The following ZNF91 variants were observed in gnomAD, a reference collection of about 807,000 sequenced individuals.
The protein encoded by ZNF91 is zinc finger protein 91 (HPF7, HTF10).
In ZNF91, 7 loss-of-function variants were observed where a neutral mutation model predicts 12.6. The ratio of observed to expected loss-of-function variants is 0.55; its 90% CI spans 0.31 to 1.04. ZNF91 has a LOEUF of 1.04. Ranked by LOEUF, ZNF91 falls within the 50% of genes least tolerant of loss-of-function variation. The pLI is 0.05. For missense variants in ZNF91, 1,217 were observed against 1,385.4 expected (o/e 0.88, Z 1.93); for synonymous variants, 453 against 462.6 (o/e 0.98, Z 0.27).
intron 3 of ZNF91, among the ~76,000 whole-genome samples, chr19:23,370,154 C>T (rs1026152182): frequency 3.3e-5 from 5 of 151,648 alleles, no homozygotes; most frequent in Non-Finnish European, 1.5e-5. Context: ...ATTTATGAAT[C>T]TATATCTAAA....
At chr19:23,353,617 T>A (rs990752392), downstream of ZNF91, among the ~76,000 whole-genome samples, 13 of 149,694 alleles carry the variant, frequency 8.7e-5, no homozygotes, top group African/African-American at 3.2e-4. Flanking sequence ...AGAGCAGAAC[T>A]AAATAAAATT....
At chr19:23,376,034 C>T (rs369305503) in intron 1 of ZNF91, among the ~76,000 whole-genome samples, 9 of 152,146 alleles carry the variant, frequency 5.9e-5, no homozygotes, top group Non-Finnish European at 1.3e-4. Flanking sequence ...TTCTTTAACA[C>T]CCTAATAAGC....
chr19:23,305,245 A>G (rs772605890), intron 3 of ZNF91: 3 of 152,222 alleles, frequency 2.0e-5, no homozygotes, highest in Non-Finnish European at 4.4e-5. Flanking sequence ...AAATATATCT[A>G]TGTAATGTCC....
At chr19:23,313,334 C>A (rs796981528), upstream of ZNF91, among the ~76,000 whole-genome samples, 1 of 152,164 alleles carries the variant, frequency 6.6e-6, no homozygotes, top group Non-Finnish European at 1.5e-5. Context: ...GCCCACAGGG[C>A]ACATTGTTGG....
intron 3 of ZNF91, among the ~76,000 whole-genome samples, chr19:23,369,840 C>CT (rs1423417449): frequency 6.6e-6 from 1 of 150,840 alleles, no homozygotes; most frequent in Non-Finnish European, 1.5e-5. Context: ...ACTCCCTAAT[C>CT]TCAAGTACCC....
chr19:23,350,923 A>T (rs1443994407), intron 3 of ZNF91, among the ~76,000 whole-genome samples: 2 of 152,132 alleles, frequency 1.3e-5, no homozygotes, highest in East Asian at 3.9e-4. Context: ...TCATTAAAAC[A>T]GTGTGTTGCT....
Position 23,359,871 on chromosome 19 carries a change from C to T in ZNF91, c.3108G>A (p.Lys1036=). The part of the protein sequence containing the change: ...ECGKAFNRSS[K]LTTHKIIHTG... ...TATGAATTATCTTATGTGTAGTAAG[C>T]TTTGAGGATCGATTAAAAGCTTTGC... is the stretch of plus-strand genomic sequence containing the variant. The change falls in exon 4 of 4, where the codon AAG becomes AAA. Residue 1036 remains lysine, a synonymous_variant. Transcript: ENST00000300619. 1.9e-6 allele frequency: 3 copies of T among 1,580,940 alleles called. No individual in the cohort carries two copies. Among genetic ancestry groups the T allele is most frequent in the African/African-American group, 1.4e-5 (1 of 71,702 alleles).
chr19:23,343,092 T>C (rs1342395817), intron 3 of ZNF91, among the ~76,000 whole-genome samples: 1 of 152,254 alleles, frequency 6.6e-6, no homozygotes, highest in African/African-American at 2.4e-5. Flanking sequence ...GTAGGTACTG[T>C]AGTTTTCTGA....
chr19:23,364,446 A>C (rs1048895213), intron 3 of ZNF91, among the ~76,000 whole-genome samples: 1 of 152,140 alleles, frequency 6.6e-6, no homozygotes, highest in African/African-American at 2.4e-5. Context: ...ATTCCATCTC[A>C]AGAAAAAAAA....
At chr19:23,314,769 C>T (rs1967525297), upstream of ZNF91, among the ~76,000 whole-genome samples, 2 of 152,194 alleles carry the variant, frequency 1.3e-5, no homozygotes, top group South Asian at 4.1e-4. Context: ...TTTTTGGGTC[C>T]AGCAGCAAGG....
At chr19:23,338,041 G>A (rs951668459), downstream of ZNF91, 5 of 152,064 alleles carry the variant, frequency 3.3e-5, no homozygotes, top group African/African-American at 9.7e-5. Flanking sequence ...CAGTGTTTCT[G>A]AGGAAGAAAA....
At chr19:23,338,613 A>G (rs980253467), downstream of ZNF91, 3 of 152,120 alleles carry the variant, frequency 2.0e-5, no homozygotes, top group East Asian at 3.9e-4. Context: ...AAAGTGAAAT[A>G]AATCAAATCA....
chr19:23,314,884 A>G (rs540118001), upstream of ZNF91, among the ~76,000 whole-genome samples: 1 of 152,216 alleles, frequency 6.6e-6, no homozygotes, highest in African/African-American at 2.4e-5. Context: ...CTCTGCATAT[A>G]TTCTGTATTG....
intron 1 of ZNF91, chr19:23,380,254 G>A (rs1969656023): frequency 1.2e-5 from 1 of 85,120 alleles, no homozygotes; most frequent in Non-Finnish European, 2.4e-5. Flanking sequence ...GCAATGGGGG[G>A]AAAATCCGTC....
In ZNF91 at chr19:23,359,975, C is replaced by T. The variant is rs765980416; in HGVS notation, c.3004G>A (p.Ala1002Thr). 8.7e-6 allele frequency: 14 copies of T among 1,613,458 alleles called. No individual in the cohort carries two copies. In the East Asian group the frequency reaches 2.5e-4, roughly 28 times the overall value. Residue 1002 changes from alanine (A) to threonine (T), a missense_variant, in exon 4 of 4, where the codon GCA becomes ACA. Physicochemically the swap from Ala to Thr is moderately conservative, Grantham distance 58. Around this residue, in one of 2 missense-constraint regions of ZNF91, gnomAD observed 491 missense variants for 489.8 expected, o/e 1.00. Transcript: ENST00000300619. ...GTTAGGGTTGAGGATTGGCTAAATG[C>T]TTTGCCACATTCTTCACATTTGTAG... is the stretch of plus-strand genomic sequence containing the variant. ...KPYKCEECGK[A>T]FSQSSTLTRH...
upstream of ZNF91, among the ~76,000 whole-genome samples, chr19:23,315,088 G>A (rs1355874195): frequency 6.6e-6 from 1 of 152,172 alleles, no homozygotes; most frequent in East Asian, 1.9e-4. Flanking sequence ...TTTTACATGG[G>A]CCCTCCTCTC....
At chr19:23,384,789 C>A in intron 1 of ZNF91, 1 of 655,752 alleles carries the variant, frequency 1.5e-6, no homozygotes, top group Non-Finnish European at 2.8e-6. Context: ...TCTTCCGGGC[C>A]AACAGCACCT....
At chr19:23,317,806 G>A (rs569620656) in intron 1 of ZNF91, among the ~76,000 whole-genome samples, 7 of 152,272 alleles carry the variant, frequency 4.6e-5, no homozygotes, top group African/African-American at 1.2e-4. Context: ...AGGTTCCCAC[G>A]CACAGACCTA....
downstream of ZNF91, among the ~76,000 whole-genome samples, chr19:23,357,268 CA>C (rs1229478321): frequency 5.5e-5 from 8 of 145,658 alleles, no homozygotes; most frequent in South Asian, 4.3e-4. Context: ...ATTAAGCAAA[CA>C]AAAAACCTAT....
Sources: gnomAD v4.1 joint callset for allele counts (sites outside exome capture counted in the v4.1 genomes callset) on GRCh38, gnomAD v4.1.1 for gene constraint, gnomAD v4.1.1 regional missense constraint, MANE v1.5 for transcripts, NCBI Gene and HGNC (gene_info 2026-07-23, HGNC 2026-07-21) for gene names.